Variants in RBM14 observed in about 807,000 individuals in gnomAD.
RBM14 encodes the protein RNA-binding protein 14.
RBM14 carries 5 observed loss-of-function variants against 52.8 expected under a neutral mutation model. The ratio of observed to expected loss-of-function variants is 0.09; its 90% CI spans 0.05 to 0.20. The LOEUF (loss-of-function observed/expected upper bound fraction) is 0.20. Ranked by LOEUF, RBM14 falls within the 10% of genes least tolerant of loss-of-function variation. The pLI is 1.00. For synonymous variants in RBM14, 411 were observed against 401.8 expected (o/e 1.02, Z -0.28); for missense variants, 780 against 926.6 (o/e 0.84, Z 2.05).
chr11:66,627,731 C>T lies in RBM14; in HGVS notation c.*1063C>T, dbSNP rs529051832. On this transcript the variant is annotated 3_prime_UTR_variant, in exon 3 of 3. Transcript: ENST00000310137. ...GGCCTCTTAGGAAGTGGGGAATGGG[C>T]TGCTGTGGTATTTACAGGCTAGTAG... Among the ~76,000 whole-genome samples, 3 of 152,286 alleles carry T rather than the reference C, an allele frequency of 2.0e-5. No homozygotes were observed. In the South Asian group the frequency reaches 6.2e-4, roughly 32 times the overall value.
rs1347291019 is a variant in RBM14 at position 66,628,085 on chromosome 11, G to A, written c.*1417G>A. ...TATAGAATCTGGGAAAGGGTGGGGT[G>A]CAAGCTAACCAAATAGGGATGCTAG... On this transcript the variant is annotated 3_prime_UTR_variant, in exon 3 of 3. Transcript: ENST00000310137. 6.6e-6 allele frequency among the ~76,000 whole-genome samples: 1 copy of A among 152,146 alleles called. No individual in the cohort carries two copies. The highest frequency in any genetic ancestry group is 1.5e-5 in the Non-Finnish European group (1 of 68,024).
rs1470666382 is a variant in RBM14, at chr11:66,616,652, C to T, written c.-69C>T. The T allele has an allele frequency of 4.0e-6, 6 of 1,495,402 alleles. No individual in the cohort carries two copies. The highest frequency in any genetic ancestry group is 3.6e-6 in the Non-Finnish European group (4 of 1,120,058). 92.6% of individuals were successfully genotyped at this position (1,495,402 alleles called of 1,614,324 possible). A position where few individuals can be genotyped will look rare whatever the true frequency, so the allele number is the denominator to read the frequency against. ...GCCATTCCTGAGGAGGACTGCCGGT[C>T]GTTCGGACGTCTTGCCTGTCGCTGG... On this transcript the variant is annotated 5_prime_UTR_variant, in exon 1 of 3. Transcript: ENST00000310137.
In RBM14 at chr11:66,624,650, T is replaced by A; in HGVS notation, c.774T>A (p.Gly258=). 6.2e-7 allele frequency: 1 copy of A among 1,613,198 alleles called. No individual in the cohort carries two copies. Among genetic ancestry groups the A allele is most frequent in the Non-Finnish European group, 8.5e-7 (1 of 1,179,910 alleles). The change falls in exon 2 of 3, where the codon GGT becomes GGA. Residue 258 remains glycine (G), a synonymous_variant. Coordinates refer to ENST00000310137, the MANE Select transcript of RBM14 (RefSeq NM_006328.4). This position sits in a 1 kb window ranked among gnomAD's most constrained non-coding sequence, Gnocchi z 4.7. Reference sequence around the variant, plus strand: ...GGGCCCAGCCTTCTGCCTCTTTGGGTGTTGGCTATCGGACTCAGCCCATGA... The same window carrying A: ...GGGCCCAGCCTTCTGCCTCTTTGGGAGTTGGCTATCGGACTCAGCCCATGA... ...AYRAQPSASL[G]VGYRTQPMTA... is the part of the protein sequence containing the mutation.
chr11:66,618,800 G>A (rs1359770952), intron 1 of RBM14, among the ~76,000 whole-genome samples: 3 of 152,172 alleles, frequency 2.0e-5, no homozygotes, highest in African/African-American at 7.2e-5. Context: ...TGGCTTTCAG[G>A]TGGTAGAGAA....
chr11:66,625,629 C>T lies in RBM14; in HGVS notation c.1753C>T (p.Arg585Trp), dbSNP rs1323787886. 2.5e-6 allele frequency: 4 copies of T among 1,613,060 alleles called. No individual in the cohort carries two copies. The highest frequency in any genetic ancestry group is 1.1e-5 in the South Asian group (1 of 91,088). ...PYERTRLSPP[R>W]ASYDDPYKKA... ...TGAGCGTACCCGCCTCTCCCCACCC[C>T]GGGCCAGCTACGACGATCCCTACAA... is the stretch of plus-strand genomic sequence containing the variant. Residue 585 changes from arginine (R) to tryptophan (W), a missense_variant, in exon 2 of 3, where the codon CGG becomes TGG. This residue lies in a region of RBM14 where 675 missense variants were observed against 697.3 expected (regional missense o/e 0.97). Transcript: ENST00000310137. This position sits in a 1 kb window ranked among gnomAD's most constrained non-coding sequence, Gnocchi z 4.2.
chr11:66,628,337 C>T lies in RBM14; in HGVS notation c.*1669C>T, dbSNP rs969866343. Among the ~76,000 whole-genome samples, 1 of 152,068 alleles carries T rather than the reference C, an allele frequency of 6.6e-6. No individual in the cohort carries two copies. The highest frequency in any genetic ancestry group is 1.5e-5 in the Non-Finnish European group (1 of 68,010). On this transcript the variant is annotated 3_prime_UTR_variant, in exon 3 of 3. Coordinates refer to ENST00000310137, the MANE Select transcript of RBM14 (RefSeq NM_006328.4). ...GATTTGGGAGCCTACTGGGGCAAGGCGACTGGGGAGGTGTACGTGTTAGTC... is the reference window on the plus strand; with the variant it reads ...GATTTGGGAGCCTACTGGGGCAAGGTGACTGGGGAGGTGTACGTGTTAGTC...
intron 1 of RBM14, chr11:66,619,570 CT>C (rs781230095): frequency 3.7e-3 from 521 of 139,682 alleles, no homozygotes; most frequent in Non-Finnish European, 3.5e-3. Flanking sequence ...TTTTCTTTTT[CT>C]TTTTTTTTTT....
chr11:66,623,229 G>A (rs1440887226), intron 1 of RBM14, among the ~76,000 whole-genome samples: 1 of 152,182 alleles, frequency 6.6e-6, no homozygotes, highest in Non-Finnish European at 1.5e-5. Flanking sequence ...CAAGGTGTAA[G>A]GTATACCTCT....
At chr11:66,622,633 GACTTCT>G (rs1192377011) in intron 1 of RBM14, among the ~76,000 whole-genome samples, 1 of 152,142 alleles carries the variant, frequency 6.6e-6, no homozygotes, top group Non-Finnish European at 1.5e-5. Context: ...CCACACTTCT[GACTTCT>G]ACTTATTGAT....
At chr11:66,626,342 A>T (rs1937803384) in intron 2 of RBM14, 119 bp from the exon 3 acceptor site, 2 of 1,010,254 alleles carry the variant, frequency 2.0e-6, no homozygotes. Context: ...AAAGGAGACC[A>T]ATCTCTTGGA....
In RBM14 at chr11:66,626,663, A is replaced by C. The variant is rs1470634824; in HGVS notation, c.2005A>C (p.Met669Leu). ...GATGCACTCTGGCTACCAGCGCCGCATGTAGGGCCATCCTGGGATGGGGCA... is the reference window on the plus strand; with the variant it reads ...GATGCACTCTGGCTACCAGCGCCGCCTGTAGGGCCATCCTGGGATGGGGCA... ...AQMHSGYQRR[M>L] Residue 669 changes from methionine (M) to leucine (L), a missense_variant, in exon 3 of 3, where the codon ATG becomes CTG. By Grantham distance (15) the Met-to-Leu change is conservative. Around this residue, in one of 4 missense-constraint regions of RBM14, gnomAD observed 675 missense variants for 697.3 expected, o/e 0.97. Transcript: ENST00000310137. 1 of 1,603,888 alleles carries C rather than the reference A, an allele frequency of 6.2e-7. No individual in the cohort carries two copies. Among genetic ancestry groups the C allele is most frequent in the Non-Finnish European group, 8.5e-7 (1 of 1,175,768 alleles).
chr11:66,626,626 G>T lies in RBM14; in HGVS notation c.1968G>T (p.Leu656=). The change falls in exon 3 of 3, where the codon CTG becomes CTT. Residue 656 remains leucine, a synonymous_variant. Transcript: ENST00000310137. ...ARYSGSYNDY[L]RAAQMHSGYQ... Reference sequence around the variant, plus strand: ...ATTCGGGCTCCTATAATGATTACCTGCGGGCGGCTCAGATGCACTCTGGCT... The same window carrying T: ...ATTCGGGCTCCTATAATGATTACCTTCGGGCGGCTCAGATGCACTCTGGCT... 1 of 1,612,644 alleles carries T rather than the reference G, an allele frequency of 6.2e-7. No individual in the cohort carries two copies.
At chr11:66,626,365 C>G in intron 2 of RBM14, 96 bp from the exon 3 acceptor site, 1 of 1,234,796 alleles carries the variant, frequency 8.1e-7, no homozygotes, top group Non-Finnish European at 1.2e-6. Context: ...CCACTGTGAT[C>G]ACACCCTCCC....
chr11:66,620,988 T>G (rs1171024454), intron 1 of RBM14: 1 of 151,990 alleles, frequency 6.6e-6, no homozygotes, highest in Admixed American at 6.6e-5. Context: ...TTTATTTTTA[T>G]TTTTTATTTA....
intron 1 of RBM14, among the ~76,000 whole-genome samples, chr11:66,621,637 C>G (rs941907451): frequency 6.6e-6 from 1 of 152,002 alleles, no homozygotes; most frequent in Non-Finnish European, 1.5e-5. Context: ...TCGGCCTCCC[C>G]AAAGTGCTGG....
chr11:66,626,368 A>G, intron 2 of RBM14, 93 bp from the exon 3 acceptor site: 1 of 1,259,518 alleles, frequency 7.9e-7, no homozygotes, highest in Non-Finnish European at 1.1e-6. Context: ...CTGTGATCAC[A>G]CCCTCCCTGT....
At position 66,629,539 on chromosome 11, in the gene RBM14, C is replaced by T. The variant is rs147037681; in HGVS notation, c.*2871C>T. Among the ~76,000 whole-genome samples the T allele has an allele frequency of 8.7e-4, 132 of 152,296 alleles. No homozygotes were observed. Among genetic ancestry groups the T allele is most frequent in the Non-Finnish European group, 1.5e-3 (102 of 68,030 alleles). On this transcript the variant is annotated 3_prime_UTR_variant, in exon 3 of 3. Coordinates refer to ENST00000310137, the MANE Select transcript of RBM14 (RefSeq NM_006328.4). ...GCCACAGTCTGCACAGACGGTTGGT[C>T]CTCCAGGCATATTGTCCTATTAAGC...
rs1195956467 is a variant in RBM14, at chr11:66,617,064, CG to C, written c.337+9del. 8.3e-6 allele frequency: 13 copies of C among 1,566,128 alleles called. No homozygotes were observed. The Admixed American group carries it at 2.4e-4, about 29-fold the overall frequency. ...GAGTGTGACGTGGTGAAAGGTAACG[CG>C]GAGGCGCGCTCGGGGGCGGGGGCGC... On this transcript the variant is annotated splice_region_variant and intron_variant, in intron 1 of 2. Transcript: ENST00000310137.
chr11:66,626,791 C>A lies in RBM14; in HGVS notation c.*123C>A. The A allele has an allele frequency of 1.1e-6, 1 of 932,526 alleles. No homozygotes were observed. The highest frequency in any genetic ancestry group is 1.6e-6 in the Non-Finnish European group (1 of 638,168). 57.8% of individuals were successfully genotyped at this position (932,526 alleles called of 1,614,324 possible). A position where few individuals can be genotyped will look rare whatever the true frequency, so the allele number is the denominator to read the frequency against. On this transcript the variant is annotated 3_prime_UTR_variant, in exon 3 of 3. Transcript: ENST00000310137. ...GGTTGTGGTTTTTCATGCCCTCTAC[C>A]ATGTGGGCCTTCCCCAGGAGATGAT...
Sources: gnomAD v4.1 joint callset for allele counts (sites outside exome capture counted in the v4.1 genomes callset) on GRCh38, gnomAD v4.1.1 for gene constraint, gnomAD v4.1.1 regional missense constraint, Gnocchi (gnomAD v3.1) non-coding constraint, MANE v1.5 for transcripts, NCBI Gene and HGNC (gene_info 2026-07-23, HGNC 2026-07-21) for gene names.